The following FAM229A variants were observed in gnomAD, a reference collection of about 807,000 sequenced individuals.
The protein encoded by FAM229A is family with sequence similarity 229 member A.
In FAM229A, 9 loss-of-function variants were observed where a neutral mutation model predicts 10.0. The observed-to-expected ratio is 0.90, with a 90% CI of 0.54 to 1.56. The LOEUF (loss-of-function observed/expected upper bound fraction) is 1.56. Among genes scored for constraint, FAM229A ranks in the 40% most tolerant of loss-of-function variants. FAM229A has a pLI of 0.00. For missense variants in FAM229A, 196 were observed against 197.6 expected (o/e 0.99, Z 0.05); for synonymous variants, 93 against 90.1 (o/e 1.03, Z -0.19).
In FAM229A at chr1:32,362,229, G is replaced by C. The variant is rs1372204062; in HGVS notation, c.-138C>G. The stretch of plus-strand genomic sequence containing the variant: ...TGGAGGCCTCTGGCCATGGCGCCTG[G>C]AGACGGGGTCGCGCAGACCCCGGAC... On this transcript the variant is annotated 5_prime_UTR_variant, in exon 1 of 3. Transcript: ENST00000432622. 9.2e-6 allele frequency: 11 copies of C among 1,192,774 alleles called. No individual in the cohort carries two copies. The highest frequency in any genetic ancestry group is 1.2e-5 in the Non-Finnish European group (11 of 938,720). 73.9% of individuals were successfully genotyped at this position (1,192,774 alleles called of 1,614,324 possible).
rs1195865230 is a variant in FAM229A, at chr1:32,361,454, G to A, written c.363C>T (p.Ser121=). The part of the protein sequence containing the change: ...PIDVYLAMGG[S]PRARAT Reference sequence around the variant, plus strand: ...GCACTCACGTGGCGCGGGCCCGGGGGCTCCCGCCCATGGCGAGGTAGACGT... The same window carrying A: ...GCACTCACGTGGCGCGGGCCCGGGGACTCCCGCCCATGGCGAGGTAGACGT... The change falls in exon 3 of 3, where the codon AGC becomes AGT. Residue 121 remains serine (S), a synonymous_variant. Coordinates refer to ENST00000432622, the MANE Select transcript of FAM229A (RefSeq NM_001167676.2). 1.1e-5 allele frequency: 15 copies of A among 1,363,166 alleles called. No individual in the cohort carries two copies. In the Admixed American group the frequency reaches 5.0e-4, roughly 46 times the overall value. The allele number at this position is 1,363,166 out of a possible 1,614,324, so 84.4% of individuals were successfully genotyped here. A position where few individuals can be genotyped will look rare whatever the true frequency, so the allele number is the denominator to read the frequency against.
Position 32,362,311 on chromosome 1 carries a change from A to G in FAM229A, c.-220T>C. 1 of 554,726 alleles carries G rather than the reference A, an allele frequency of 1.8e-6. No individual in the cohort carries two copies. Among genetic ancestry groups the G allele is most frequent in the South Asian group, 5.6e-5 (1 of 17,820 alleles). The allele number at this position is 554,726 out of a possible 1,614,324, so 34.4% of individuals were successfully genotyped here. On this transcript the variant is annotated 5_prime_UTR_variant, in exon 1 of 3. Transcript: ENST00000432622. Reference sequence around the variant, plus strand: ...CCGCCGCGAGGCGGCGTCCACGCCGAGGAGCCGCGCATTCCCGGTCCACAC... The same window carrying G: ...CCGCCGCGAGGCGGCGTCCACGCCGGGGAGCCGCGCATTCCCGGTCCACAC...
At position 32,362,012 on chromosome 1, in the gene FAM229A, G is replaced by A; in HGVS notation, c.80C>T (p.Ala27Val). The A allele has an allele frequency of 6.7e-7, 1 of 1,485,038 alleles. No homozygotes were observed. The highest frequency in any genetic ancestry group is 8.9e-7 in the Non-Finnish European group (1 of 1,125,010). 92.0% of individuals were successfully genotyped at this position (1,485,038 alleles called of 1,614,324 possible). A position where few individuals can be genotyped will look rare whatever the true frequency, so the allele number is the denominator to read the frequency against. The change falls in exon 1 of 3, where the codon GCG becomes GTG. Residue 27 changes from alanine to valine, a missense_variant. By Grantham distance (64) the Ala-to-Val change is moderately conservative. Coordinates refer to ENST00000432622, the MANE Select transcript of FAM229A (RefSeq NM_001167676.2). ...PAPPGPERSP[A>V]ARAPAAASSL... ...AGAAGCAGCTGCCGGAGCCCTGGCC[G>A]CGGGAGAACGCTCCGGTCCAGGCGG...
rs1426243772 is a variant in FAM229A at position 32,362,283 on chromosome 1, A to C, written c.-192T>G. On this transcript the variant is annotated 5_prime_UTR_variant, in exon 1 of 3. Coordinates refer to ENST00000432622, the MANE Select transcript of FAM229A (RefSeq NM_001167676.2). ...CGAGGGGGGCGCAGCAGGCCAGGGC[A>C]ACCCGCCGCGAGGCGGCGTCCACGC... is the stretch of plus-strand genomic sequence containing the variant. 3.9e-6 allele frequency: 3 copies of C among 772,578 alleles called. No homozygotes were observed. Among genetic ancestry groups the C allele is most frequent in the Admixed American group, 4.0e-5 (1 of 25,026 alleles). 47.9% of individuals were successfully genotyped at this position (772,578 alleles called of 1,614,324 possible). A position where few individuals can be genotyped will look rare whatever the true frequency, so the allele number is the denominator to read the frequency against.
Position 32,362,033 on chromosome 1 carries a change from G to T in FAM229A, c.59C>A (p.Pro20His). 6.8e-7 allele frequency: 1 copy of T among 1,480,188 alleles called. No homozygotes were observed. The highest frequency in any genetic ancestry group is 8.9e-7 in the Non-Finnish European group (1 of 1,122,366). The allele number at this position is 1,480,188 out of a possible 1,614,324, so 91.7% of individuals were successfully genotyped here. A position where few individuals can be genotyped will look rare whatever the true frequency, so the allele number is the denominator to read the frequency against. ...GGCCGCGGGAGAACGCTCCGGTCCA[G>T]GCGGAGCCGGGCAGGTCTCTGTGGC... ...GHATETCPAP[P>H]GPERSPAARA... Residue 20 changes from proline to histidine, a missense_variant, in exon 1 of 3, where the codon CCT (proline) becomes CAT (histidine). Coordinates refer to ENST00000432622, the MANE Select transcript of FAM229A (RefSeq NM_001167676.2).
chr1:32,361,513 A>G lies in FAM229A; in HGVS notation c.304T>C (p.Cys102Arg). 7.3e-7 allele frequency: 1 copy of G among 1,367,892 alleles called. No individual in the cohort carries two copies. Among genetic ancestry groups the G allele is most frequent in the South Asian group, 1.6e-5 (1 of 61,616 alleles). The allele number at this position is 1,367,892 out of a possible 1,614,324, so 84.7% of individuals were successfully genotyped here. ...PVRPLRRCPG[C>R]HCLTLLHVPI... ...ACGTGCAGCAGCGTCAGGCAGTGGC[A>G]TCCAGGGCAGCGACGAAGCGGCCTG... Residue 102 changes from cysteine to arginine, a missense_variant, in exon 3 of 3, where the codon TGC (cysteine) becomes CGC (arginine). Transcript: ENST00000432622.
In FAM229A at chr1:32,362,166, G is replaced by T; in HGVS notation, c.-75C>A. 7.7e-7 allele frequency: 1 copy of T among 1,298,306 alleles called. No homozygotes were observed. Among genetic ancestry groups the T allele is most frequent in the Non-Finnish European group, 9.8e-7 (1 of 1,024,320 alleles). The allele number at this position is 1,298,306 out of a possible 1,614,324, so 80.4% of individuals were successfully genotyped here. ...TGGAGAACCCCCAACGGTGCCCCCT[G>T]CCGCCCCTGGCACTCAGCGCGGGCC... On this transcript the variant is annotated 5_prime_UTR_variant, in exon 1 of 3. Transcript: ENST00000432622.
chr1:32,361,943 T>C lies in FAM229A; in HGVS notation c.134+15A>G. 1 of 1,446,606 alleles carries C rather than the reference T, an allele frequency of 6.9e-7. No individual in the cohort carries two copies. Among genetic ancestry groups the C allele is most frequent in the Non-Finnish European group, 9.0e-7 (1 of 1,105,536 alleles). The allele number at this position is 1,446,606 out of a possible 1,614,324, so 89.6% of individuals were successfully genotyped here. A position where few individuals can be genotyped will look rare whatever the true frequency, so the allele number is the denominator to read the frequency against. On this transcript the variant is annotated intron_variant, in intron 1 of 2. Transcript: ENST00000432622. ...GCGCCGCCGCCTCGCGCCCGCCCCC[T>C]GGGCCGTCGCTCACCTCCCGGCGGT...
chr1:32,361,921 C>G, intron 1 of FAM229A, 37 bp downstream of exon 1: 1 of 1,388,068 alleles, frequency 7.2e-7, no homozygotes. Context: ...TCGCCGGGCG[C>G]CGCCGCCTCG....
chr1:32,361,916 G>GGGCGCCGCCGCCTCGCGCCCGCCCCCT (rs1641709222), intron 1 of FAM229A, 40 bp from the exon 2 acceptor site: 2 of 1,382,714 alleles, frequency 1.4e-6, no homozygotes, highest in Non-Finnish European at 1.9e-6. Flanking sequence ...CCGGGTCGCC[G>GGGCGCCGCCGCCTCGCGCCCGCCCCCT]GGCGCCGCCG....
chr1:32,361,837 C>T lies in FAM229A; in HGVS notation c.174G>A (p.Pro58=). 1.5e-6 allele frequency: 2 copies of T among 1,335,142 alleles called. No homozygotes were observed. The highest frequency in any genetic ancestry group is 9.6e-7 in the Non-Finnish European group (1 of 1,046,438). The allele number at this position is 1,335,142 out of a possible 1,614,324, so 82.7% of individuals were successfully genotyped here. The part of the protein sequence containing the change: ...RGLDMSAQEP[P]QGRRFPIEAG... ...CCTCAATGGGGAATCTCCGACCCTG[C>T]GGGGGCTCCTGGGCGCTCATGTCCA... is the stretch of plus-strand genomic sequence containing the variant. The change falls in exon 2 of 3, where the codon CCG becomes CCA. Residue 58 remains proline (P), a synonymous_variant. Transcript: ENST00000432622.
Position 32,361,603 on chromosome 1 carries a change from A to G in FAM229A, c.282-68T>C, listed in dbSNP as rs1641703221. On this transcript the variant is annotated intron_variant, in intron 2 of 2. Coordinates refer to ENST00000432622, the MANE Select transcript of FAM229A (RefSeq NM_001167676.2). Reference sequence around the variant, plus strand: ...TTGGCCCATCCTGTGGGGCGCACCCAGGGAGTGCACCTGGGGTCCCCGGGG... The same window carrying G: ...TTGGCCCATCCTGTGGGGCGCACCCGGGGAGTGCACCTGGGGTCCCCGGGG... The G allele has an allele frequency of 4.0e-6, 5 of 1,260,084 alleles. No individual in the cohort carries two copies. The South Asian group carries it at 1.2e-4, about 31-fold the overall frequency. The allele number at this position is 1,260,084 out of a possible 1,614,324, so 78.1% of individuals were successfully genotyped here.
At chr1:32,361,634 G>A (rs1374337920) in intron 2 of FAM229A, 96 bp downstream of exon 2, 1 of 1,254,308 alleles carries the variant, frequency 8.0e-7, no homozygotes, top group East Asian at 3.2e-5. Context: ...CGGGGGTCCG[G>A]ACGTGGATGC....
Position 32,362,155 on chromosome 1 carries a change from CG to C in FAM229A, c.-65del. The C allele has an allele frequency of 7.7e-7, 1 of 1,304,594 alleles. No individual in the cohort carries two copies. Among genetic ancestry groups the C allele is most frequent in the South Asian group, 2.2e-5 (1 of 45,680 alleles). The allele number at this position is 1,304,594 out of a possible 1,614,324, so 80.8% of individuals were successfully genotyped here. ...GTTCCTCCCACTGGAGAACCCCCAA[CG>C]GTGCCCCCTGCCGCCCCTGGCACTC... On this transcript the variant is annotated 5_prime_UTR_variant, in exon 1 of 3. An upstream open reading frame in the 5' UTR loses its in-frame stop. Coordinates refer to ENST00000432622, the MANE Select transcript of FAM229A (RefSeq NM_001167676.2).
In FAM229A at chr1:32,361,733, A is replaced by AC; in HGVS notation, c.277dup (p.Val93GlyfsTer69). On this transcript the variant is annotated frameshift_variant, in exon 2 of 3. Transcript: ENST00000432622. LOFTEE classifies it high-confidence loss of function. ...GGGGGTGGGGCGCGGGCCTTACCTG[A>AC]CCGGGTTGTGCTCCGTCGCTACCGC... The AC allele has an allele frequency of 7.6e-7, 1 of 1,308,874 alleles. No homozygotes were observed. The allele number at this position is 1,308,874 out of a possible 1,614,324, so 81.1% of individuals were successfully genotyped here. A position where few individuals can be genotyped will look rare whatever the true frequency, so the allele number is the denominator to read the frequency against.
In FAM229A at chr1:32,362,192, A is replaced by G. The variant is rs953933605; in HGVS notation, c.-101T>C. On this transcript the variant is annotated 5_prime_UTR_variant, in exon 1 of 3. Coordinates refer to ENST00000432622, the MANE Select transcript of FAM229A (RefSeq NM_001167676.2). The stretch of plus-strand genomic sequence containing the variant: ...CCGCCCCTGGCACTCAGCGCGGGCC[A>G]GAATCGGGGACTGGAGGCCTCTGGC... The G allele has an allele frequency of 2.2e-5, 28 of 1,286,800 alleles. No individual in the cohort carries two copies. Among genetic ancestry groups the G allele is most frequent in the Middle Eastern group, 2.9e-4 (1 of 3,390 alleles). 79.7% of individuals were successfully genotyped at this position (1,286,800 alleles called of 1,614,324 possible).
chr1:32,362,053 TGTGGCGTGCCCGGGCCCGGGC>T lies in FAM229A; in HGVS notation c.18_38del (p.Pro7_Thr13del). The T allele has an allele frequency of 6.9e-7, 1 of 1,452,698 alleles. No individual in the cohort carries two copies. The highest frequency in any genetic ancestry group is 9.0e-7 in the Non-Finnish European group (1 of 1,109,436). 90.0% of individuals were successfully genotyped at this position (1,452,698 alleles called of 1,614,324 possible). A position where few individuals can be genotyped will look rare whatever the true frequency, so the allele number is the denominator to read the frequency against. On this transcript the variant is annotated inframe_deletion, in exon 1 of 3. Transcript: ENST00000432622. ...GTCCAGGCGGAGCCGGGCAGGTCTCTGTGGCGTGCCCGGGCCCGGGCGTCGAGGAGGGCAGCATTGTGACCC... is the reference window on the plus strand; with the variant it reads ...GTCCAGGCGGAGCCGGGCAGGTCTCTGTCGAGGAGGGCAGCATTGTGACCC...
chr1:32,361,752 C>T lies in FAM229A; in HGVS notation c.259G>A (p.Ala87Thr). Reference protein sequence around the residue: ...PESQDSPEAVATEHNPVRPLR... With the variant: ...PESQDSPEAVTTEHNPVRPLR... ...TACCTGACCGGGTTGTGCTCCGTCG[C>T]TACCGCCTCCGGGCTGTCCTGGGAC... The change falls in exon 2 of 3, where the codon GCG becomes ACG. Residue 87 changes from alanine to threonine, a missense_variant. By Grantham distance (58) the Ala-to-Thr change is moderately conservative (BLOSUM62 0). Transcript: ENST00000432622. 7.6e-7 allele frequency: 1 copy of T among 1,311,422 alleles called. No individual in the cohort carries two copies. The highest frequency in any genetic ancestry group is 1.5e-5 in the African/African-American group (1 of 64,852). 81.2% of individuals were successfully genotyped at this position (1,311,422 alleles called of 1,614,324 possible).
chr1:32,362,210 C>T lies in FAM229A; in HGVS notation c.-119G>A. 8.0e-7 allele frequency: 1 copy of T among 1,251,194 alleles called. No individual in the cohort carries two copies. The highest frequency in any genetic ancestry group is 1.6e-5 in the African/African-American group (1 of 64,038). 77.5% of individuals were successfully genotyped at this position (1,251,194 alleles called of 1,614,324 possible). ...GCGGGCCAGAATCGGGGACTGGAGG[C>T]CTCTGGCCATGGCGCCTGGAGACGG... is the stretch of plus-strand genomic sequence containing the variant. On this transcript the variant is annotated 5_prime_UTR_variant, in exon 1 of 3. Coordinates refer to ENST00000432622, the MANE Select transcript of FAM229A (RefSeq NM_001167676.2).
Sources: allele counts gnomAD v4.1 joint callset, GRCh38; gene constraint gnomAD v4.1.1; transcripts MANE v1.5; gene names NCBI Gene and HGNC (gene_info 2026-07-23, HGNC 2026-07-21).